CTNND2: variants seen among roughly 807,000 people sequenced by gnomAD.
The protein encoded by CTNND2 is catenin delta 2.
CTNND2 carries 22 observed loss-of-function variants against 144.4 expected under a neutral mutation model. That is an observed-to-expected ratio of 0.15 (90% CI 0.11 to 0.22). The LOEUF is 0.22. Ranked by LOEUF, CTNND2 falls within the 10% of genes least tolerant of loss-of-function variation. The pLI is 1.00. For synonymous variants in CTNND2, 751 were observed against 695.6 expected (o/e 1.08, Z -1.25); for missense variants, 1,353 against 1,618.8 (o/e 0.84, Z 2.82).
chr5:11,641,641 T>C (rs1457540165), intron 2 of CTNND2, among the ~76,000 whole-genome samples: 2 of 143,886 alleles, frequency 1.4e-5, no homozygotes, highest in Non-Finnish European at 3.0e-5. Context: ...CGTGTGTGTA[T>C]ATACATATAC....
At chr5:11,003,321 C>T (rs1740153316) in intron 18 of CTNND2, among the ~76,000 whole-genome samples, 1 of 152,194 alleles carries the variant, frequency 6.6e-6, no homozygotes, top group African/African-American at 2.4e-5. Flanking sequence ...GACTACTTCG[C>T]TGGGGACCTA....
At chr5:11,172,709 G>A (rs1197152066) in intron 11 of CTNND2, among the ~76,000 whole-genome samples, 1 of 152,198 alleles carries the variant, frequency 6.6e-6, no homozygotes, top group African/African-American at 2.4e-5. Context: ...AAAGGTTGAC[G>A]TTAAGAGAAG....
intron 12 of CTNND2, 96 bp from the exon 13 acceptor site, chr5:11,117,663 AT>A (rs1753699793): frequency 9.7e-6 from 9 of 927,092 alleles, no homozygotes; most frequent in South Asian, 4.2e-5. Flanking sequence ...AAGTAAATGC[AT>A]TTTTCCCCAC....
intron 1 of CTNND2, among the ~76,000 whole-genome samples, chr5:11,773,975 A>AATTTCTTAGAATAG (rs748929799): frequency 3.3e-5 from 5 of 152,162 alleles, no homozygotes; most frequent in Non-Finnish European, 7.3e-5. Context: ...TGTTCTGACC[A>AATTTCTTAGAATAG]ATTTCTTAGA....
chr5:11,592,157 TGCCTGCCTGCCTTCCTG>T (rs1415433515), intron 2 of CTNND2, among the ~76,000 whole-genome samples: 7 of 134,310 alleles, frequency 5.2e-5, no homozygotes, highest in Admixed American at 7.8e-5. Context: ...CCTGCCTTCC[TGCCTGCCTGCCTTCCTG>T]CCTGCCTGCC....
rs551902931 is a variant in CTNND2, at chr5:11,155,663, A to G, written c.2159+3913T>C. ...ACCTCCCCATGCCGCTTGGCCTCTCACAATCTAGCTGCCATCATCCTTATC... is the reference window on the plus strand; with the variant it reads ...ACCTCCCCATGCCGCTTGGCCTCTCGCAATCTAGCTGCCATCATCCTTATC... On this transcript the variant is annotated intron_variant, in intron 12 of 21. Coordinates refer to ENST00000304623, the MANE Select transcript of CTNND2 (RefSeq NM_001332.4). 1.1e-4 allele frequency among the ~76,000 whole-genome samples: 17 copies of G among 152,032 alleles called. No homozygotes were observed. In the East Asian group the frequency reaches 3.3e-3, roughly 29 times the overall value.
chr5:11,437,526 G>A (rs1310456504), intron 3 of CTNND2, among the ~76,000 whole-genome samples: 1 of 152,212 alleles, frequency 6.6e-6, no homozygotes, highest in Non-Finnish European at 1.5e-5. Context: ...ACGGAGAGAT[G>A]ATGTGAGAAC....
At chr5:11,282,363 G>C (rs1747242166) in intron 9 of CTNND2, among the ~76,000 whole-genome samples, 1 of 152,214 alleles carries the variant, frequency 6.6e-6, no homozygotes. Context: ...GGAGAGTTAA[G>C]AGGTTCCGGA....
chr5:11,240,208 CCCAACACACACACCCAACACACACACA>C (rs1742103739), intron 9 of CTNND2, among the ~76,000 whole-genome samples: 1 of 116,744 alleles, frequency 8.6e-6, no homozygotes, highest in Admixed American at 9.7e-5. Flanking sequence ...CACACACACC[CCCAACACACACACCCAACACACACACA>C]CCAACACACA....
chr5:11,161,425 G>A (rs1758758741), intron 11 of CTNND2, among the ~76,000 whole-genome samples: 1 of 152,094 alleles, frequency 6.6e-6, no homozygotes, highest in African/African-American at 2.4e-5. Context: ...ATTCTGATTT[G>A]GACTGATTTG....
intron 1 of CTNND2, among the ~76,000 whole-genome samples, chr5:11,805,458 C>G (rs1215052678): frequency 6.6e-6 from 1 of 151,916 alleles, no homozygotes; most frequent in Non-Finnish European, 1.5e-5. Flanking sequence ...GATCCTAAGA[C>G]TGGATCAGGG....
intron 11 of CTNND2, among the ~76,000 whole-genome samples, chr5:11,196,181 CTT>C (rs1244395079): frequency 1.3e-5 from 2 of 152,186 alleles, no homozygotes; most frequent in Admixed American, 6.5e-5. Context: ...ATTTGGCACT[CTT>C]GACATCATAG....
Position 11,294,928 on chromosome 5 carries a change from A to G in CTNND2, c.1628+51444T>C, listed in dbSNP as rs528276640. Among the ~76,000 whole-genome samples, 562 of 152,260 alleles carry G rather than the reference A, an allele frequency of 3.7e-3. 3 individuals carry two copies. The highest frequency in any genetic ancestry group is 0.013 in the African/African-American group (527 of 41,550). ...TCCCTTTGAAAACTGGCACAAGACA[A>G]GGATGCCCTCTCTCACCACTCCTAT... is the stretch of plus-strand genomic sequence containing the variant. On this transcript the variant is annotated intron_variant, in intron 9 of 21. Coordinates refer to ENST00000304623, the MANE Select transcript of CTNND2 (RefSeq NM_001332.4).
chr5:11,293,910 A>T (rs76237991), intron 9 of CTNND2, among the ~76,000 whole-genome samples: 1 of 151,128 alleles, frequency 6.6e-6, no homozygotes, highest in East Asian at 2.0e-4. Flanking sequence ...GTGTATTGGA[A>T]GCAATAATAG....
At chr5:11,609,095 C>T (rs561084010) in intron 2 of CTNND2, among the ~76,000 whole-genome samples, 45 of 152,336 alleles carry the variant, frequency 3.0e-4, no homozygotes, top group Non-Finnish European at 5.6e-4. Context: ...ACCTTCCCCT[C>T]AGCCAGCACT....
rs557244485 is a variant in CTNND2 at position 11,268,594 on chromosome 5, ACT to A, written c.1629-31773_1629-31772del. ...TGGGTAGCCTGGGTGATGGAGTAAG[ACT>A]CTGATACACACAAAAGAAAAAATAA... On this transcript the variant is annotated intron_variant, in intron 9 of 21. Coordinates refer to ENST00000304623, the MANE Select transcript of CTNND2 (RefSeq NM_001332.4). Among the ~76,000 whole-genome samples, 267 of 152,156 alleles carry A rather than the reference ACT, an allele frequency of 1.8e-3. 3 individuals carry two copies. The highest frequency in any genetic ancestry group is 0.016 in the Admixed American group (238 of 15,272).
intron 16 of CTNND2, among the ~76,000 whole-genome samples, chr5:11,028,366 A>C (rs1005798572): frequency 1.3e-5 from 2 of 152,162 alleles, no homozygotes; most frequent in Non-Finnish European, 2.9e-5. Context: ...TTTTCTAAAA[A>C]ACTTCTTTAT....
chr5:11,392,661 A>T (rs1351540152), intron 6 of CTNND2, among the ~76,000 whole-genome samples: 1 of 152,252 alleles, frequency 6.6e-6, no homozygotes, highest in Admixed American at 6.5e-5. Flanking sequence ...AGCAAGGAAT[A>T]GGGATTCACA....
intron 1 of CTNND2, among the ~76,000 whole-genome samples, chr5:11,888,530 GC>G (rs1736725492): frequency 6.6e-6 from 1 of 152,112 alleles, no homozygotes; most frequent in Non-Finnish European, 1.5e-5. Flanking sequence ...TATTTGTCAA[GC>G]CACCAAATGA....
Sources: gnomAD v4.1 joint callset for allele counts (sites outside exome capture counted in the v4.1 genomes callset) on GRCh38, gnomAD v4.1.1 for gene constraint, MANE v1.5 for transcripts, NCBI Gene and HGNC (gene_info 2026-07-23, HGNC 2026-07-21) for gene names.